Variants in SREK1IP1 observed in about 807,000 individuals in gnomAD.
SREK1IP1 encodes protein SREK1IP1.
A neutral mutation model predicts 22.8 loss-of-function variants in SREK1IP1; 12 were observed. That is an observed-to-expected ratio of 0.53 (90% CI 0.34 to 0.85). The LOEUF is 0.85. Ranked by LOEUF, SREK1IP1 falls within the 40% of genes least tolerant of loss-of-function variation. The pLI is 0.02. For missense variants in SREK1IP1, 147 were observed against 171.8 expected, an observed-to-expected ratio of 0.86 and a Z score of 0.81; for synonymous variants, 53 against 52.7, an observed-to-expected ratio of 1.01 and a Z score of -0.02.
chr5:64,761,692 T>C (rs1742954460), intron 1 of SREK1IP1, among the ~76,000 whole-genome samples: 1 of 152,256 alleles, frequency 6.6e-6, no homozygotes, highest in Non-Finnish European at 1.5e-5. Flanking sequence ...CATCATTTTG[T>C]GGTGCATGAC....
chr5:64,739,666 TTAC>T (rs1272794366), intron 3 of SREK1IP1, among the ~76,000 whole-genome samples: 1 of 152,132 alleles, frequency 6.6e-6, no homozygotes, highest in Non-Finnish European at 1.5e-5. Flanking sequence ...CCTTGTGAGT[TTAC>T]GTCTTTAAAT....
intron 4 of SREK1IP1, 62 bp from the exon 5 acceptor site, chr5:64,724,635 G>A (rs1742233327): frequency 7.7e-7 from 1 of 1,306,670 alleles, no homozygotes; most frequent in African/African-American, 1.5e-5. Flanking sequence ...AAATTTAAGT[G>A]GGATTTGAAC....
intron 3 of SREK1IP1, among the ~76,000 whole-genome samples, chr5:64,733,627 A>C (rs376640927): frequency 6.6e-6 from 1 of 152,176 alleles, no homozygotes; most frequent in African/African-American, 2.4e-5. Context: ...TACAACTACC[A>C]TAACAACCCA....
At chr5:64,734,038 TTC>T (rs1742419074) in intron 3 of SREK1IP1, among the ~76,000 whole-genome samples, 1 of 152,046 alleles carries the variant, frequency 6.6e-6, no homozygotes, top group African/African-American at 2.4e-5. Flanking sequence ...GATGGAAATG[TTC>T]TGTGTAGACT....
chr5:64,727,082 C>T (rs1163206754), intron 4 of SREK1IP1, among the ~76,000 whole-genome samples: 2 of 152,108 alleles, frequency 1.3e-5, no homozygotes, highest in African/African-American at 4.8e-5. Flanking sequence ...TAACTCCTAA[C>T]GCTTGAAAGT....
chr5:64,739,425 C>T (rs964009842), intron 3 of SREK1IP1, among the ~76,000 whole-genome samples: 4 of 152,060 alleles, frequency 2.6e-5, no homozygotes, highest in Non-Finnish European at 5.9e-5. Context: ...GGGTCTAACT[C>T]GTGGAGACTT....
At chr5:64,759,137 G>C (rs1742901564) in intron 1 of SREK1IP1, among the ~76,000 whole-genome samples, 1 of 152,194 alleles carries the variant, frequency 6.6e-6, no homozygotes, top group Admixed American at 6.5e-5. Flanking sequence ...GCTTGTGCAG[G>C]ATCTTGGATA....
chr5:64,749,785 C>T (rs569116282), intron 2 of SREK1IP1, among the ~76,000 whole-genome samples: 2 of 152,238 alleles, frequency 1.3e-5, no homozygotes, highest in East Asian at 1.9e-4. Context: ...TTTATTTCCC[C>T]ACTGACCTAG....
At chr5:64,756,271 T>C (rs1223654216) in intron 1 of SREK1IP1, among the ~76,000 whole-genome samples, 1 of 152,208 alleles carries the variant, frequency 6.6e-6, no homozygotes, top group Non-Finnish European at 1.5e-5. Context: ...TTTCAAAAAC[T>C]CTTTCATCAT....
At chr5:64,750,520 A>G (rs1005430262) in intron 2 of SREK1IP1, among the ~76,000 whole-genome samples, 4 of 152,146 alleles carry the variant, frequency 2.6e-5, no homozygotes, top group Non-Finnish European at 4.4e-5. Context: ...GCTTGAGTGT[A>G]ACAACCACCT....
At chr5:64,730,729 T>C (rs1742364173) in intron 3 of SREK1IP1, among the ~76,000 whole-genome samples, 1 of 152,094 alleles carries the variant, frequency 6.6e-6, no homozygotes. Context: ...ATAAAATAAG[T>C]ATGTGGAGTG....
chr5:64,720,467 T>G lies in SREK1IP1; in HGVS notation c.*3917A>C, dbSNP rs1742139209. 1.3e-5 allele frequency: 2 copies of G among 152,066 alleles called. No individual in the cohort carries two copies. 9.4% of individuals were successfully genotyped at this position (152,066 alleles called of 1,614,324 possible). On this transcript the variant is annotated 3_prime_UTR_variant, in exon 5 of 5. Coordinates refer to ENST00000513458, the MANE Select transcript of SREK1IP1 (RefSeq NM_173829.4). ...TGGTGGGATTAATCGGATTATGAAA[T>G]TGATAAAACCAAACCCTAATAAAAG...
In SREK1IP1 at chr5:64,756,078, T is replaced by C. The variant is rs531348224; in HGVS notation, c.14-1716A>G. On this transcript the variant is annotated intron_variant, in intron 1 of 4. Transcript: ENST00000513458. ...AATATTTACAAATACAGTAATCCTG[T>C]ATAATTAGTAGTACATGCAGGCAAT... 3.3e-5 allele frequency among the ~76,000 whole-genome samples: 5 copies of C among 152,280 alleles called. No individual in the cohort carries two copies. In the South Asian group the frequency reaches 1.0e-3, roughly 32 times the overall value.
chr5:64,719,086 A>C lies in SREK1IP1; in HGVS notation c.*5298T>G, dbSNP rs925834937. On this transcript the variant is annotated 3_prime_UTR_variant, in exon 5 of 5. Coordinates refer to ENST00000513458, the MANE Select transcript of SREK1IP1 (RefSeq NM_173829.4). ...TAAGGTTATCTTCTAGACCAGAATT[A>C]AGAGAAGTTTCTGTGATGATGGAAA... The C allele has an allele frequency of 6.6e-6, 1 of 152,250 alleles. No homozygotes were observed. The allele number at this position is 152,250 out of a possible 1,614,324, so 9.4% of individuals were successfully genotyped here.
intron 1 of SREK1IP1, 123 bp downstream of exon 1, chr5:64,768,382 G>T: frequency 7.9e-7 from 1 of 1,262,978 alleles, no homozygotes; most frequent in Non-Finnish European, 1.1e-6. Flanking sequence ...AAACAAACCT[G>T]TGAATTTTAA....
At chr5:64,759,361 A>C (rs1350745762) in intron 1 of SREK1IP1, among the ~76,000 whole-genome samples, 2 of 152,176 alleles carry the variant, frequency 1.3e-5, no homozygotes, top group Non-Finnish European at 2.9e-5. Context: ...CAGCTAAGTT[A>C]CCTACTTCCC....
Position 64,718,360 on chromosome 5 carries a change from A to G in SREK1IP1, c.*6024T>C, listed in dbSNP as rs1397152036. 2.8e-5 allele frequency: 5 copies of G among 176,466 alleles called. No homozygotes were observed. The highest frequency in any genetic ancestry group is 4.7e-5 in the Non-Finnish European group (4 of 85,346). The allele number at this position is 176,466 out of a possible 1,614,324, so 10.9% of individuals were successfully genotyped here. Reference sequence around the variant, plus strand: ...TATGTCACATTACCAGCATTTCTCAACTTTCTGATACTTACAGGCAGTTAT... The same window carrying G: ...TATGTCACATTACCAGCATTTCTCAGCTTTCTGATACTTACAGGCAGTTAT... On this transcript the variant is annotated 3_prime_UTR_variant, in exon 5 of 5. Coordinates refer to ENST00000513458, the MANE Select transcript of SREK1IP1 (RefSeq NM_173829.4).
At position 64,719,607 on chromosome 5, in the gene SREK1IP1, C is replaced by G. The variant is rs557587616; in HGVS notation, c.*4777G>C. On this transcript the variant is annotated 3_prime_UTR_variant, in exon 5 of 5. Transcript: ENST00000513458. ...GAAAAATTTAGTTAAGGCACTGGCA[C>G]CATTCTACTTTTGTTGCTCATGGCC... 5 of 152,264 alleles carry G rather than the reference C, an allele frequency of 3.3e-5. No homozygotes were observed. Among genetic ancestry groups the G allele is most frequent in the South Asian group, 2.1e-4 (1 of 4,830 alleles). The allele number at this position is 152,264 out of a possible 1,614,324, so 9.4% of individuals were successfully genotyped here.
chr5:64,746,206 T>C (rs890289947), intron 2 of SREK1IP1, among the ~76,000 whole-genome samples: 2 of 152,146 alleles, frequency 1.3e-5, no homozygotes, highest in African/African-American at 2.4e-5. Flanking sequence ...TCAGACTATA[T>C]GTAAAAATTA....
Sources: gnomAD v4.1 joint callset for allele counts (sites outside exome capture counted in the v4.1 genomes callset) on GRCh38, gnomAD v4.1.1 for gene constraint, MANE v1.5 for transcripts, NCBI Gene and HGNC (gene_info 2026-07-23, HGNC 2026-07-21) for gene names.